The following FOCAD variants were observed in gnomAD, a reference collection of about 807,000 sequenced individuals.
The protein encoded by FOCAD is focadhesin.
In FOCAD, 198 loss-of-function variants were observed where a neutral mutation model predicts 225.6. The observed-to-expected ratio is 0.88, with a 90% confidence interval of 0.78 to 0.99. The LOEUF (loss-of-function observed/expected upper bound fraction) is 0.99, where lower values mean the gene tolerates loss of function less well. Ranked by LOEUF, FOCAD falls within the 50% of genes least tolerant of loss-of-function variation. The pLI, the probability that FOCAD is intolerant of heterozygous loss-of-function variation, is 0.00. For synonymous variants in FOCAD, 897 were observed against 755.0 expected, an observed-to-expected ratio of 1.19 and a Z score of -3.08; for missense variants, 2,713 against 2,123.6, an observed-to-expected ratio of 1.28 and a Z score of -5.46.
intron 2 of FOCAD, among the ~76,000 whole-genome samples, chr9:20,672,826 T>A (rs1386911171): frequency 6.6e-6 from 1 of 152,252 alleles, no homozygotes; most frequent in Non-Finnish European, 1.5e-5. Context: ...ATTGTTTAGC[T>A]GGTTAAACAA....
intron 9 of FOCAD, among the ~76,000 whole-genome samples, chr9:20,779,209 T>C (rs529743395): frequency 1.0e-3 from 154 of 152,340 alleles, no homozygotes; most frequent in Non-Finnish European, 1.7e-3. Context: ...CAGTCCAGTA[T>C]TGACTTAAAG....
At chr9:20,696,429 T>A (rs1192472806) in intron 1 of FOCAD, among the ~76,000 whole-genome samples, 1 of 152,218 alleles carries the variant, frequency 6.6e-6, no homozygotes, top group East Asian at 1.9e-4. Flanking sequence ...ACATCTGATT[T>A]TGTACCCTAA....
At position 20,720,393 on chromosome 9, in the gene FOCAD, A is replaced by G. The variant is rs768960702; in HGVS notation, c.146A>G (p.Asn49Ser). 15 of 1,613,792 alleles carry G rather than the reference A, an allele frequency of 9.3e-6. No homozygotes were observed. In the South Asian group the frequency reaches 1.4e-4, roughly 15 times the overall value. ...GTTTGGTTTCAGACTCCTGCTTTGA[A>G]CTTGCTGTGGGAGAAGTGTTGCAGT... ...HQSTNQTPAL[N>S]LLWEKCCSDN... Residue 49 changes from asparagine to serine, a missense_variant, in exon 4 of 44, where the codon AAC becomes AGC. Asn to Ser is a conservative substitution (Grantham distance 46). Transcript: ENST00000338382.
At position 20,886,694 on chromosome 9, in the gene FOCAD, A is replaced by T. The variant is rs1256036189; in HGVS notation, c.2625+1464A>T. Among the ~76,000 whole-genome samples, 4 of 152,312 alleles carry T rather than the reference A, an allele frequency of 2.6e-5. No individual in the cohort carries two copies. The East Asian group carries it at 7.7e-4, about 29-fold the overall frequency. On this transcript the variant is annotated intron_variant, in intron 21 of 43. Transcript: ENST00000338382. ...GTTTTAGGGGTCAATTAGAAGGCGT[A>T]TTGGACAGAATTCTGCCAAATGTAT...
intron 7 of FOCAD, among the ~76,000 whole-genome samples, chr9:20,768,110 A>C (rs955690487): frequency 2.7e-5 from 4 of 148,720 alleles, no homozygotes; most frequent in African/African-American, 7.4e-5. Flanking sequence ...TGTTTTTCTC[A>C]GGTTTGTCAA....
intron 28 of FOCAD, among the ~76,000 whole-genome samples, chr9:20,944,022 C>G (rs934556735): frequency 6.6e-6 from 1 of 152,128 alleles, no homozygotes; most frequent in African/African-American, 2.4e-5. Context: ...TCTCTTCTGA[C>G]CCAGTGGTAT....
intron 28 of FOCAD, among the ~76,000 whole-genome samples, chr9:20,937,507 G>T (rs959233418): frequency 1.3e-5 from 2 of 151,668 alleles, no homozygotes; most frequent in African/African-American, 4.8e-5. Context: ...AAATGGTGCT[G>T]GGAAAACTGG....
chr9:20,726,056 A>G (rs1200704761), intron 4 of FOCAD, among the ~76,000 whole-genome samples: 1 of 152,212 alleles, frequency 6.6e-6, no homozygotes, highest in Admixed American at 6.5e-5. Flanking sequence ...CATTATCACC[A>G]GTCGAATGTG....
intron 15 of FOCAD, among the ~76,000 whole-genome samples, chr9:20,844,182 A>G (rs1182598173): frequency 6.6e-6 from 1 of 151,934 alleles, no homozygotes; most frequent in African/African-American, 2.4e-5. Context: ...TAAAGTAGAA[A>G]CCACCCAGAT....
At chr9:20,748,015 A>G (rs1828209557) in intron 5 of FOCAD, among the ~76,000 whole-genome samples, 1 of 151,836 alleles carries the variant, frequency 6.6e-6, no homozygotes, top group African/African-American at 2.4e-5. Context: ...ATCAGCTATT[A>G]TCTTATGGTT....
chr9:20,875,068 T>A, intron 19 of FOCAD: 1 of 402,388 alleles, frequency 2.5e-6, no homozygotes, highest in Non-Finnish European at 4.4e-6. Flanking sequence ...TTAAAATTCA[T>A]TTAAAAGGCT....
chr9:20,726,905 GAGA>G (rs1280736010), intron 4 of FOCAD, among the ~76,000 whole-genome samples: 2 of 152,120 alleles, frequency 1.3e-5, no homozygotes, highest in African/African-American at 2.4e-5. Flanking sequence ...TATTTGGCAG[GAGA>G]AGAAGAACCA....
At chr9:20,789,262 T>A in intron 10 of FOCAD, 89 bp from the exon 11 acceptor site, 1 of 1,437,736 alleles carries the variant, frequency 7.0e-7, no homozygotes, top group South Asian at 1.3e-5. Flanking sequence ...GAGTGATATC[T>A]TACAATGAAA....
chr9:20,684,140 G>C (rs1295069361), upstream of FOCAD: 4 of 152,288 alleles, frequency 2.6e-5, no homozygotes, highest in East Asian at 5.8e-4. Flanking sequence ...GCGCGAGCCG[G>C]GGAGGGCGGG....
Position 20,981,583 on chromosome 9 carries a change from G to C in FOCAD, c.4535G>C (p.Gly1512Ala), listed in dbSNP as rs187249342. The C allele has an allele frequency of 1.2e-6, 2 of 1,613,932 alleles. No homozygotes were observed. The highest frequency in any genetic ancestry group is 1.7e-6 in the Non-Finnish European group (2 of 1,180,006). ...SPELCPSALH[G>A]LSQAMKLPSP... ...GAGCTATGCCCAAGTGCTTTACACG[G>C]TCTGAGCCAGGCCATGAAACTGCCC... is the stretch of plus-strand genomic sequence containing the variant. Residue 1512 changes from glycine to alanine, a missense_variant, in exon 38 of 44, where the codon GGT (glycine) becomes GCT (alanine). Coordinates refer to ENST00000338382, the MANE Select transcript of FOCAD (RefSeq NM_001375567.1).
chr9:20,824,584 A>C (rs1824676461), intron 15 of FOCAD, among the ~76,000 whole-genome samples: 1 of 152,056 alleles, frequency 6.6e-6, no homozygotes, highest in Non-Finnish European at 1.5e-5. Context: ...CTAAGACATC[A>C]TCATTAACTG....
At chr9:20,890,041 T>C (rs1587518642) in intron 21 of FOCAD, among the ~76,000 whole-genome samples, 1 of 152,170 alleles carries the variant, frequency 6.6e-6, no homozygotes, top group East Asian at 1.9e-4. Context: ...TGATTTTTTC[T>C]ATGACCTTAC....
At chr9:20,853,575 G>T (rs1827881533) in intron 15 of FOCAD, among the ~76,000 whole-genome samples, 1 of 151,666 alleles carries the variant, frequency 6.6e-6, no homozygotes, top group Admixed American at 6.6e-5. Context: ...AAATATTTTT[G>T]ATTCTCTAAG....
intron 9 of FOCAD, among the ~76,000 whole-genome samples, chr9:20,779,858 C>T (rs1474147330): frequency 6.6e-6 from 1 of 152,076 alleles, no homozygotes; most frequent in East Asian, 1.9e-4. Flanking sequence ...TACAGTGTGC[C>T]TTGGAAATGG....
Sources: allele counts gnomAD v4.1 joint callset (sites outside exome capture counted in the v4.1 genomes callset), GRCh38; gene constraint gnomAD v4.1.1; transcripts MANE v1.5; gene names NCBI Gene and HGNC (gene_info 2026-07-23, HGNC 2026-07-21).